Variants in DOCK1 observed in about 807,000 individuals in gnomAD.
DOCK1 encodes the protein dedicator of cytokinesis 1.
In DOCK1, 138 loss-of-function variants were observed where a neutral mutation model predicts 262.7. The observed-to-expected ratio is 0.53, with a 90% confidence interval of 0.46 to 0.61. The LOEUF (loss-of-function observed/expected upper bound fraction) is 0.61. DOCK1 is among the 20% of genes least tolerant of loss of function. The probability of loss-of-function intolerance (pLI) is 0.00; values close to 1 mark genes in which losing one functional copy is unlikely to be tolerated. For missense variants in DOCK1, 1,908 were observed against 2,370.7 expected (o/e 0.80, Z 4.05); for synonymous variants, 866 against 867.4 (o/e 1.00, Z 0.03).
intron 29 of DOCK1, among the ~76,000 whole-genome samples, chr10:127,305,221 G>A (rs1351753271): frequency 1.3e-5 from 2 of 151,888 alleles, no homozygotes; most frequent in Non-Finnish European, 2.9e-5. Context: ...ATTTTCTCAT[G>A]TCACATTTAT....
At chr10:126,906,038 C>G (rs1177907618) in intron 1 of DOCK1, among the ~76,000 whole-genome samples, 1 of 152,040 alleles carries the variant, frequency 6.6e-6, no homozygotes, top group Non-Finnish European at 1.5e-5. Context: ...CGGCGCGGTC[C>G]CAGCGGATAA....
chr10:127,149,854 G>A (rs567857145), intron 27 of DOCK1, among the ~76,000 whole-genome samples: 1 of 152,300 alleles, frequency 6.6e-6, no homozygotes, highest in African/African-American at 2.4e-5. Flanking sequence ...ATCCCATGGT[G>A]CATATGGAGA....
chr10:127,157,381 CAT>C (rs2053183990), intron 27 of DOCK1, among the ~76,000 whole-genome samples: 2 of 152,176 alleles, frequency 1.3e-5, no homozygotes, highest in African/African-American at 2.4e-5. Flanking sequence ...GAGATGAGGA[CAT>C]GTGTATAAAA....
intron 16 of DOCK1, among the ~76,000 whole-genome samples, chr10:127,030,739 G>A (rs937425886): frequency 2.0e-5 from 3 of 152,104 alleles, no homozygotes; most frequent in African/African-American, 7.2e-5. Context: ...TCTAGTGGAT[G>A]AAACCAACAA....
At chr10:127,008,839 A>G in intron 11 of DOCK1, 35 bp downstream of exon 11, 1 of 1,518,186 alleles carries the variant, frequency 6.6e-7, no homozygotes, top group Non-Finnish European at 9.0e-7. Flanking sequence ...TTAGCCAGAT[A>G]TAATGTGGAA....
chr10:127,309,645 G>A (rs1000525748), intron 29 of DOCK1, among the ~76,000 whole-genome samples: 1 of 152,068 alleles, frequency 6.6e-6, no homozygotes, highest in African/African-American at 2.4e-5. Context: ...TCCAGTTTCC[G>A]TTTTCTGCAT....
chr10:127,059,672 T>A (rs2045403630), intron 22 of DOCK1, among the ~76,000 whole-genome samples: 2 of 152,208 alleles, frequency 1.3e-5, no homozygotes, highest in African/African-American at 4.8e-5. Flanking sequence ...TCTACTGAAA[T>A]TTTTCTCTTA....
intron 1 of DOCK1, among the ~76,000 whole-genome samples, chr10:126,948,894 G>T (rs2035893515): frequency 6.6e-6 from 1 of 152,096 alleles, no homozygotes; most frequent in South Asian, 2.1e-4. Flanking sequence ...GGTAGTACTG[G>T]GGTTGCGTGA....
chr10:127,374,310 G>A lies in DOCK1; in HGVS notation c.3675+96G>A, dbSNP rs545418088. On this transcript the variant is annotated intron_variant, in intron 35 of 51. Transcript: ENST00000623213. ...GCCCTTATCTATGACAGTCAGCCAC[G>A]AAGCTTTCCACCGCAGAACAATCTC... 2.2e-4 allele frequency: 315 copies of A among 1,420,808 alleles called. 4 individuals are homozygous for A. The South Asian group carries it at 4.4e-3, about 20-fold the overall frequency. 88.0% of individuals were successfully genotyped at this position (1,420,808 alleles called of 1,614,324 possible). A position where few individuals can be genotyped will look rare whatever the true frequency, so the allele number is the denominator to read the frequency against.
intron 49 of DOCK1, among the ~76,000 whole-genome samples, chr10:127,439,718 G>T (rs1429020557): frequency 6.6e-6 from 1 of 152,166 alleles, no homozygotes; most frequent in Non-Finnish European, 1.5e-5. Flanking sequence ...CAGTCCTGGG[G>T]TATCCTGCTC....
chr10:127,321,469 T>C (rs1414433829), intron 29 of DOCK1, among the ~76,000 whole-genome samples: 1 of 151,164 alleles, frequency 6.6e-6, no homozygotes, highest in Non-Finnish European at 1.5e-5. Flanking sequence ...CAGTGCTCTC[T>C]CATTGATTTC....
At chr10:127,399,119 C>T (rs1242624793) in intron 38 of DOCK1, among the ~76,000 whole-genome samples, 1 of 152,142 alleles carries the variant, frequency 6.6e-6, no homozygotes, top group African/African-American at 2.4e-5. Context: ...AGACCGTGCT[C>T]CGTGCTGCAA....
chr10:127,385,937 C>T (rs988654854), intron 38 of DOCK1, among the ~76,000 whole-genome samples: 2 of 152,186 alleles, frequency 1.3e-5, no homozygotes, highest in Non-Finnish European at 2.9e-5. Flanking sequence ...CTCATCTTCC[C>T]TTGATTACAT....
intron 27 of DOCK1, among the ~76,000 whole-genome samples, chr10:127,220,285 C>T (rs1004011590): frequency 6.6e-6 from 1 of 151,270 alleles, no homozygotes; most frequent in African/African-American, 2.4e-5. Flanking sequence ...AGTCCCTAGA[C>T]TGAGGATACA....
At chr10:127,182,504 G>A (rs1475362314) in intron 27 of DOCK1, among the ~76,000 whole-genome samples, 11 of 152,106 alleles carry the variant, frequency 7.2e-5, no homozygotes, top group Admixed American at 6.6e-4. Context: ...TCACTACCCA[G>A]TTCTTTGATT....
At chr10:126,934,259 C>G (rs1017232446) in intron 1 of DOCK1, among the ~76,000 whole-genome samples, 1 of 152,246 alleles carries the variant, frequency 6.6e-6, no homozygotes, top group Non-Finnish European at 1.5e-5. Flanking sequence ...CAAAACAAAA[C>G]AGCCTGGCAC....
At chr10:127,334,457 AT>A (rs757568119) in intron 29 of DOCK1, among the ~76,000 whole-genome samples, 1 of 152,050 alleles carries the variant, frequency 6.6e-6, no homozygotes, top group Non-Finnish European at 1.5e-5. Context: ...TTGACCTCAC[AT>A]TTTTTTAAGT....
chr10:127,118,252 C>T (rs201348379), intron 25 of DOCK1, among the ~76,000 whole-genome samples: 1 of 19,946 alleles, frequency 5.0e-5, no homozygotes, highest in African/African-American at 5.9e-5. Flanking sequence ...CTTGATGTAC[C>T]CCCTTCCACC....
intron 1 of DOCK1, among the ~76,000 whole-genome samples, chr10:126,947,106 C>T (rs1404257286): frequency 1.3e-5 from 2 of 152,202 alleles, no homozygotes; most frequent in African/African-American, 4.8e-5. Flanking sequence ...TCTTTGCGTG[C>T]AGAAATGGGA....
Sources: allele counts gnomAD v4.1 joint callset (sites outside exome capture counted in the v4.1 genomes callset), GRCh38; gene constraint gnomAD v4.1.1; transcripts MANE v1.5; gene names NCBI Gene and HGNC (gene_info 2026-07-23, HGNC 2026-07-21).